The following HPSE2 variants were observed in gnomAD, a reference collection of about 807,000 sequenced individuals.
The protein encoded by HPSE2 is heparanase 2 (inactive).
A neutral mutation model predicts 60.5 loss-of-function variants in HPSE2; 38 were observed. The observed-to-expected ratio is 0.63, with a 90% CI of 0.48 to 0.82. The LOEUF (loss-of-function observed/expected upper bound fraction) is 0.82. Among genes scored for constraint, HPSE2 ranks in the 40% least tolerant of loss-of-function variants. The pLI, the probability that HPSE2 is intolerant of heterozygous loss-of-function variation, is 0.00. For synonymous variants in HPSE2, 295 were observed against 293.2 expected (o/e 1.01, Z -0.06); for missense variants, 713 against 740.4 (o/e 0.96, Z 0.43).
At chr10:98,493,470 T>C (rs1213660178) in intron 9 of HPSE2, among the ~76,000 whole-genome samples, 1 of 152,222 alleles carries the variant, frequency 6.6e-6, no homozygotes, top group Non-Finnish European at 1.5e-5. Context: ...TATTTTTTTG[T>C]GATCTGTAAT....
intron 11 of HPSE2, among the ~76,000 whole-genome samples, chr10:98,475,716 A>T (rs2133621867): frequency 8.3e-6 from 1 of 120,568 alleles, no homozygotes. Context: ...GTTTTTAATA[A>T]TCCCTTTGAG....
rs571089903 is a variant in HPSE2 at position 98,612,067 on chromosome 10, G to A, written c.1320+2837C>T. 2.0e-5 allele frequency among the ~76,000 whole-genome samples: 3 copies of A among 152,338 alleles called. No homozygotes were observed. The East Asian group carries it at 5.8e-4, about 29-fold the overall frequency. ...ACATGGCCATGCAAAGGTCCAAAGA[G>A]GGTTGATATGGAATCCAAGTTTGTC... On this transcript the variant is annotated intron_variant, in intron 9 of 11. Transcript: ENST00000370552.
At chr10:98,970,689 G>C (rs1371600240) in intron 3 of HPSE2, among the ~76,000 whole-genome samples, 1 of 152,164 alleles carries the variant, frequency 6.6e-6, no homozygotes, top group African/African-American at 2.4e-5. Context: ...TTTTCTGATT[G>C]TATCAAGTAT....
the HPSE2 span, among the ~76,000 whole-genome samples, chr10:99,312,937 T>C: frequency 6.6e-6 from 1 of 152,288 alleles, no homozygotes; most frequent in South Asian, 2.1e-4. Flanking sequence ...CTCAGCACCA[T>C]CTCCTTGGTG....
chr10:99,023,334 T>C (rs1408981941), intron 3 of HPSE2, among the ~76,000 whole-genome samples: 5 of 152,110 alleles, frequency 3.3e-5, no homozygotes, highest in African/African-American at 9.7e-5. Context: ...CACAGTACAA[T>C]AGAACACTAG....
chr10:98,955,000 A>G (rs1378374549), intron 3 of HPSE2, among the ~76,000 whole-genome samples: 2 of 148,056 alleles, frequency 1.4e-5, no homozygotes, highest in Non-Finnish European at 3.0e-5. Context: ...ATACATATTT[A>G]TTTATATATA....
rs191227417 is a variant in HPSE2 at position 98,600,320 on chromosome 10, T to A, written c.1320+14584A>T. ...TTTTTAGAAGCAGAAAAGAAAACATTCACTTAGGATAATTCAAGAAAAGCG... is the reference window on the plus strand; with the variant it reads ...TTTTTAGAAGCAGAAAAGAAAACATACACTTAGGATAATTCAAGAAAAGCG... On this transcript the variant is annotated intron_variant, in intron 9 of 11. Transcript: ENST00000370552. Among the ~76,000 whole-genome samples the A allele has an allele frequency of 7.2e-5, 11 of 152,268 alleles. No homozygotes were observed. The East Asian group carries it at 2.1e-3, about 29-fold the overall frequency.
intron 11 of HPSE2, among the ~76,000 whole-genome samples, chr10:98,480,713 T>C (rs899125155): frequency 6.6e-6 from 1 of 152,238 alleles, no homozygotes; most frequent in African/African-American, 2.4e-5. Flanking sequence ...TAGCATGACT[T>C]TTTATCATAA....
At chr10:98,591,963 CACTTTTAGGCAAG>C (rs1945104238) in intron 9 of HPSE2, among the ~76,000 whole-genome samples, 1 of 152,140 alleles carries the variant, frequency 6.6e-6, no homozygotes, top group Non-Finnish European at 1.5e-5. Flanking sequence ...AAGGATAAAA[CACTTTTAGGCAAG>C]ACTCCTGTGG....
intron 3 of HPSE2, among the ~76,000 whole-genome samples, chr10:98,895,821 A>C (rs1408564811): frequency 6.6e-6 from 1 of 150,478 alleles, no homozygotes; most frequent in Non-Finnish European, 1.5e-5. Context: ...CATTCTCAGT[A>C]AACTATCACA....
At chr10:98,982,298 T>C (rs1956225704) in intron 3 of HPSE2, among the ~76,000 whole-genome samples, 1 of 152,126 alleles carries the variant, frequency 6.6e-6, no homozygotes, top group Admixed American at 6.6e-5. Context: ...AAGGTAAAAC[T>C]GCCAGGTTCG....
At chr10:99,196,021 C>A (rs141493385) in intron 2 of HPSE2, among the ~76,000 whole-genome samples, 5 of 151,784 alleles carry the variant, frequency 3.3e-5, no homozygotes, top group Non-Finnish European at 5.9e-5. Flanking sequence ...CATAGATCAA[C>A]GGACAGAATA....
chr10:99,233,663 C>A (rs970910905), intron 1 of HPSE2, among the ~76,000 whole-genome samples: 5 of 152,056 alleles, frequency 3.3e-5, no homozygotes, highest in Admixed American at 2.0e-4. Flanking sequence ...GAGGTGGATA[C>A]GAGAAAGAAA....
chr10:98,607,982 T>C (rs1319225608), intron 9 of HPSE2, among the ~76,000 whole-genome samples: 3 of 152,230 alleles, frequency 2.0e-5, no homozygotes, highest in Non-Finnish European at 4.4e-5. Context: ...TTAACATTTA[T>C]TGAGTATTTA....
chr10:98,731,926 A>C (rs72842304), intron 4 of HPSE2, among the ~76,000 whole-genome samples: 1 of 152,178 alleles, frequency 6.6e-6, no homozygotes, highest in African/African-American at 2.4e-5. Context: ...CTAAAGAATA[A>C]ATTCAGCAAG....
rs929740752 is a variant in HPSE2 at position 98,942,082 on chromosome 10, A to T, written c.611-198026T>A. 3.9e-4 allele frequency among the ~76,000 whole-genome samples: 56 copies of T among 142,888 alleles called. 12 individuals carry two copies. The highest frequency in any genetic ancestry group is 1.6e-3 in the African/African-American group (56 of 34,918). 93.7% of individuals were successfully genotyped at this position (142,888 alleles called of 152,430 possible). ...TACACCTTATACAAAAATTAATTCA[A>T]GATGGATTAAAGACTTAAACATTAG... On this transcript the variant is annotated intron_variant, in intron 3 of 11. Transcript: ENST00000370552.
intron 3 of HPSE2, among the ~76,000 whole-genome samples, chr10:98,899,451 C>A (rs535807988): frequency 8.6e-5 from 13 of 152,002 alleles, no homozygotes; most frequent in Admixed American, 2.0e-4. Flanking sequence ...TATAAACAAC[C>A]CTTAAAACTC....
chr10:98,611,636 A>G (rs770935816), intron 9 of HPSE2, among the ~76,000 whole-genome samples: 2 of 152,198 alleles, frequency 1.3e-5, no homozygotes, highest in African/African-American at 2.4e-5. Context: ...TACACATTCC[A>G]GGGGCCTGCT....
rs560887377 is a variant in HPSE2, at chr10:99,161,827, CAT to C, written c.449-17430_449-17429del. Among the ~76,000 whole-genome samples, 179 of 152,164 alleles carry C rather than the reference CAT, an allele frequency of 1.2e-3. 2 individuals carry two copies. The highest frequency in any genetic ancestry group is 3.5e-4 in the Non-Finnish European group (24 of 67,980). ...AGGGATAAACAAAATGTGATAAAGACATAAAGAAGAATATTATTCAGCCTTAA... is the reference window on the plus strand; with the variant it reads ...AGGGATAAACAAAATGTGATAAAGACAAAGAAGAATATTATTCAGCCTTAA... On this transcript the variant is annotated intron_variant, in intron 2 of 11. Transcript: ENST00000370552.
Sources: gnomAD v4.1 joint callset for allele counts (sites outside exome capture counted in the v4.1 genomes callset) on GRCh38, gnomAD v4.1.1 for gene constraint, MANE v1.5 for transcripts, NCBI Gene and HGNC (gene_info 2026-07-23, HGNC 2026-07-21) for gene names.